Variants in MANEA observed in about 807,000 individuals in gnomAD.
MANEA encodes mannosidase endo-alpha.
In MANEA, 25 loss-of-function variants were observed where a neutral mutation model predicts 36.8. That is an observed-to-expected ratio of 0.68 (90% CI 0.50 to 0.95). The LOEUF (loss-of-function observed/expected upper bound fraction) is 0.95. Among genes scored for constraint, MANEA ranks in the 40% least tolerant of loss-of-function variants. The pLI, the probability that MANEA is intolerant of heterozygous loss-of-function variation, is 0.00. For missense variants in MANEA, 565 were observed against 558.8 expected, an observed-to-expected ratio of 1.01 and a Z score of -0.11; for synonymous variants, 198 against 188.5, an observed-to-expected ratio of 1.05 and a Z score of -0.41.
chr6:95,606,609 C>CA lies in MANEA; in HGVS notation c.*207dup. 1 of 294,102 alleles carries CA rather than the reference C, an allele frequency of 3.4e-6. No homozygotes were observed. Among genetic ancestry groups the CA allele is most frequent in the Non-Finnish European group, 6.1e-6 (1 of 162,964 alleles). The allele number at this position is 294,102 out of a possible 1,614,324, so 18.2% of individuals were successfully genotyped here. On this transcript the variant is annotated 3_prime_UTR_variant, in exon 5 of 5. Transcript: ENST00000358812. ...GAAAATATCTGAGACAAAATGTATACAAATATATTCCTTATGGCATAATTT... is the reference window on the plus strand; with the variant it reads ...GAAAATATCTGAGACAAAATGTATACAAAATATATTCCTTATGGCATAATTT...
Position 95,596,789 on chromosome 6 carries a change from A to C in MANEA, c.597A>C (p.Glu199Asp). The change falls in exon 3 of 5, where the codon GAA becomes GAC. Residue 199 changes from glutamate to aspartate, a missense_variant. Coordinates refer to ENST00000358812, the MANE Select transcript of MANEA (RefSeq NM_024641.4). ...YPPDVNDENG[E>D]PTDNLVPTIL... ...CTGATGTAAATGATGAAAATGGAGA[A>C]CCTACTGATAACTTGGTACCCACTA... 6.2e-7 allele frequency: 1 copy of C among 1,609,080 alleles called. No homozygotes were observed. The highest frequency in any genetic ancestry group is 8.5e-7 in the Non-Finnish European group (1 of 1,175,754).
Position 95,596,795 on chromosome 6 carries a change from T to G in MANEA, c.603T>G (p.Thr201=). 6.2e-7 allele frequency: 1 copy of G among 1,608,624 alleles called. No individual in the cohort carries two copies. The highest frequency in any genetic ancestry group is 8.5e-7 in the Non-Finnish European group (1 of 1,175,352). The change falls in exon 3 of 5, where the codon ACT becomes ACG. Residue 201 remains threonine, a synonymous_variant. Transcript: ENST00000358812. The part of the protein sequence containing the change: ...PDVNDENGEP[T]DNLVPTILDK... ...TAAATGATGAAAATGGAGAACCTAC[T>G]GATAACTTGGTACCCACTATTTTGG...
chr6:95,601,430 A>G (rs1362803848), intron 3 of MANEA, among the ~76,000 whole-genome samples: 1 of 152,146 alleles, frequency 6.6e-6, no homozygotes, highest in Non-Finnish European at 1.5e-5. Context: ...AGATGTGAGA[A>G]GAGATAATGT....
chr6:95,587,099 C>G, intron 2 of MANEA, 116 bp downstream of exon 2: 1 of 672,746 alleles, frequency 1.5e-6, no homozygotes, highest in Non-Finnish European at 2.6e-6. Flanking sequence ...TTGTTAAGCT[C>G]ATACCTCCAA....
At chr6:95,604,673 A>T (rs1769666301) in intron 3 of MANEA, among the ~76,000 whole-genome samples, 154 bp from the exon 4 acceptor site, 1 of 152,020 alleles carries the variant, frequency 6.6e-6, no homozygotes, top group South Asian at 2.1e-4. Context: ...AGTAAATTTT[A>T]TTGGTAAAAA....
intron 2 of MANEA, among the ~76,000 whole-genome samples, chr6:95,588,449 A>C (rs1378284791): frequency 6.6e-6 from 1 of 151,958 alleles, no homozygotes; most frequent in Non-Finnish European, 1.5e-5. Context: ...TTTAGTTTCT[A>C]TGTTCTGTAT....
chr6:95,601,743 T>C (rs1769597294), intron 3 of MANEA, among the ~76,000 whole-genome samples: 2 of 78,242 alleles, frequency 2.6e-5, no homozygotes, highest in African/African-American at 4.2e-5. Context: ...TTTTTTTTTT[T>C]TGCTTAGGAT....
rs568008698 is a variant in MANEA, at chr6:95,586,213, C to A, written c.-38-189C>A. Among the ~76,000 whole-genome samples, 24 of 152,156 alleles carry A rather than the reference C, an allele frequency of 1.6e-4. No individual in the cohort carries two copies. In the South Asian group the frequency reaches 5.0e-3, roughly 32 times the overall value. Reference sequence around the variant, plus strand: ...TATTGCCGTTTATTCTAGCCATAGACCCTTATTGTACACATTTATATATGA... The same window carrying A: ...TATTGCCGTTTATTCTAGCCATAGAACCTTATTGTACACATTTATATATGA... On this transcript the variant is annotated intron_variant, in intron 1 of 4. Transcript: ENST00000358812.
At position 95,588,284 on chromosome 6, in the gene MANEA, A is replaced by T. The variant is rs531100166; in HGVS notation, c.544+1301A>T. On this transcript the variant is annotated intron_variant, in intron 2 of 4. Transcript: ENST00000358812. The stretch of plus-strand genomic sequence containing the variant: ...AAGGTATGGATTCACCATGGAGCTG[A>T]TATGTATTTAGAGAAACACAAGAGT... The T allele has an allele frequency of 7.2e-5, 11 of 152,220 alleles. No homozygotes were observed. In the South Asian group the frequency reaches 2.1e-3, roughly 29 times the overall value. 9.4% of individuals were successfully genotyped at this position (152,220 alleles called of 1,614,324 possible).
chr6:95,590,502 G>A (rs1424481922), intron 2 of MANEA, among the ~76,000 whole-genome samples: 1 of 152,094 alleles, frequency 6.6e-6, no homozygotes, highest in Non-Finnish European at 1.5e-5. Flanking sequence ...TCTTACTTCT[G>A]CATCTCCTGC....
intron 3 of MANEA, among the ~76,000 whole-genome samples, chr6:95,603,907 T>C (rs1186582083): frequency 6.6e-6 from 1 of 152,142 alleles, no homozygotes; most frequent in Non-Finnish European, 1.5e-5. Flanking sequence ...ATGGTTTTAC[T>C]AGCCATAATT....
intron 2 of MANEA, among the ~76,000 whole-genome samples, chr6:95,592,733 G>T (rs1769406164): frequency 6.6e-6 from 1 of 152,044 alleles, no homozygotes; most frequent in Non-Finnish European, 1.5e-5. Flanking sequence ...TCTGCATGAT[G>T]CATTCTCTCA....
intron 1 of MANEA, among the ~76,000 whole-genome samples, chr6:95,584,910 A>C (rs1249218947): frequency 1.3e-5 from 2 of 152,192 alleles, no homozygotes; most frequent in Admixed American, 6.5e-5. Flanking sequence ...CCCCCGATAG[A>C]ATAGAAGCAG....
intron 1 of MANEA, among the ~76,000 whole-genome samples, chr6:95,582,173 C>CTTTTTTTTTT (rs67978183): frequency 3.8e-5 from 3 of 79,360 alleles, no homozygotes; most frequent in Non-Finnish European, 7.7e-5. Flanking sequence ...GTTGTATCAT[C>CTTTTTTTTTT]TTTTTTTTTT....
chr6:95,594,482 T>G (rs1395257970), intron 2 of MANEA, among the ~76,000 whole-genome samples: 1 of 152,214 alleles, frequency 6.6e-6, no homozygotes, highest in African/African-American at 2.4e-5. Flanking sequence ...GCTTTTTATC[T>G]TTTTTAAACT....
At chr6:95,594,142 A>C (rs1769442564) in intron 2 of MANEA, among the ~76,000 whole-genome samples, 1 of 152,092 alleles carries the variant, frequency 6.6e-6, no homozygotes, top group Admixed American at 6.6e-5. Flanking sequence ...AGGGAGGGAA[A>C]AATGTGAGGG....
intron 2 of MANEA, among the ~76,000 whole-genome samples, chr6:95,595,268 G>C (rs1339570828): frequency 6.6e-6 from 1 of 152,102 alleles, no homozygotes; most frequent in Non-Finnish European, 1.5e-5. Flanking sequence ...AGCTGGGCTA[G>C]TAATCTTACA....
At chr6:95,580,695 A>AGCCTGG (rs1769163281) in intron 1 of MANEA, among the ~76,000 whole-genome samples, 1 of 150,124 alleles carries the variant, frequency 6.7e-6, no homozygotes. Context: ...ACTGCACTCC[A>AGCCTGG]GCCTGGGCAA....
At chr6:95,591,508 CTGT>C (rs983682500) in intron 2 of MANEA, among the ~76,000 whole-genome samples, 10 of 151,390 alleles carry the variant, frequency 6.6e-5, no homozygotes, top group African/African-American at 2.2e-4. Flanking sequence ...TTTGTTGTTG[CTGT>C]TGTTGTTTTC....
Sources: allele counts gnomAD v4.1 joint callset (sites outside exome capture counted in the v4.1 genomes callset), GRCh38; gene constraint gnomAD v4.1.1; transcripts MANE v1.5; gene names NCBI Gene and HGNC (gene_info 2026-07-23, HGNC 2026-07-21).